Variants in TXNDC5 observed in about 807,000 individuals in gnomAD.
TXNDC5 encodes thioredoxin domain containing 5, also known as thioredoxin domain-containing protein 5.
TXNDC5 carries 44 observed loss-of-function variants against 52.6 expected under a neutral mutation model. The observed-to-expected ratio is 0.84, with a 90% CI of 0.66 to 1.08. The LOEUF is 1.08. Ranked by LOEUF, TXNDC5 falls within the 50% of genes least tolerant of loss-of-function variation. The pLI is 0.00. For synonymous variants in TXNDC5, 241 were observed against 234.4 expected (o/e 1.03, Z -0.26); for missense variants, 600 against 565.5 (o/e 1.06, Z -0.62).
At chr6:7,884,622 A>C in intron 8 of TXNDC5, 134 bp from the exon 9 acceptor site, 1 of 1,238,296 alleles carries the variant, frequency 8.1e-7, no homozygotes. Context: ...AAAATACCAA[A>C]TTCTCCCACT....
intron 9 of TXNDC5, 113 bp downstream of exon 9, chr6:7,884,246 A>C: frequency 1.6e-4 from 223 of 1,429,188 alleles, no homozygotes; most frequent in Non-Finnish European, 1.8e-4. Flanking sequence ...GGGACATAAA[A>C]ACCACATTGT....
rs1759812449 is a variant in TXNDC5 at position 7,882,836 on chromosome 6, T to A, written c.*308A>T. The A allele has an allele frequency of 1.7e-5, 4 of 235,506 alleles. No individual in the cohort carries two copies. In the South Asian group the frequency reaches 3.8e-4, roughly 22 times the overall value. The allele number at this position is 235,506 out of a possible 1,614,324, so 14.6% of individuals were successfully genotyped here. ...AAATAGTCCAGCAATTTCATTTCCCTCAACGCTATTTTAGTCTCAAAGGAA... is the reference window on the plus strand; with the variant it reads ...AAATAGTCCAGCAATTTCATTTCCCACAACGCTATTTTAGTCTCAAAGGAA... On this transcript the variant is annotated 3_prime_UTR_variant, in exon 10 of 10. Transcript: ENST00000379757.
intron 4 of TXNDC5, chr6:7,894,641 T>C (rs1177209684): frequency 1.2e-5 from 10 of 815,540 alleles, no homozygotes; most frequent in Non-Finnish European, 1.5e-5. Flanking sequence ...AAAAACAATG[T>C]ACCTTAATTA....
At chr6:7,892,713 A>G (rs903408788) in intron 4 of TXNDC5, among the ~76,000 whole-genome samples, 1 of 152,252 alleles carries the variant, frequency 6.6e-6, no homozygotes, top group Non-Finnish European at 1.5e-5. Flanking sequence ...GCCTGCTGAT[A>G]TCCATATAAG....
chr6:7,886,618 T>C (rs1561806020), intron 7 of TXNDC5, among the ~76,000 whole-genome samples: 1 of 152,214 alleles, frequency 6.6e-6, no homozygotes, highest in Non-Finnish European at 1.5e-5. Context: ...TCTAAGTCAA[T>C]GTGAAAAACG....
chr6:7,906,265 T>C (rs1760725954), intron 1 of TXNDC5, among the ~76,000 whole-genome samples: 1 of 149,908 alleles, frequency 6.7e-6, no homozygotes, highest in Non-Finnish European at 1.5e-5. Context: ...AAGCCGGGTG[T>C]GGTGGCTCAC....
In TXNDC5 at chr6:7,882,248, G is replaced by A. The variant is rs1044407935; in HGVS notation, c.*896C>T. 6.6e-6 allele frequency: 1 copy of A among 152,536 alleles called. No homozygotes were observed. The highest frequency in any genetic ancestry group is 1.5e-5 in the Non-Finnish European group (1 of 68,024). The allele number at this position is 152,536 out of a possible 1,614,324, so 9.4% of individuals were successfully genotyped here. On this transcript the variant is annotated 3_prime_UTR_variant, in exon 10 of 10. Coordinates refer to ENST00000379757, the MANE Select transcript of TXNDC5 (RefSeq NM_030810.5). ...GAGCCTCCCTGGATACCCAGGCCTG[G>A]GAAAGCCTGTCTGGTCTTGTCACCC... is the stretch of plus-strand genomic sequence containing the variant.
At chr6:7,884,883 T>C (rs1430355876) in intron 8 of TXNDC5, among the ~76,000 whole-genome samples, 2 of 152,090 alleles carry the variant, frequency 1.3e-5, no homozygotes, top group Non-Finnish European at 2.9e-5. Flanking sequence ...TTAGATTTGA[T>C]TGCTTATGGT....
chr6:7,899,587 C>T lies in TXNDC5; in HGVS notation c.508G>A (p.Glu170Lys), dbSNP rs1164547619. The T allele has an allele frequency of 5.6e-6, 9 of 1,613,418 alleles. No individual in the cohort carries two copies. Among genetic ancestry groups the T allele is most frequent in the East Asian group, 2.2e-5 (1 of 44,866 alleles). ...LENWMLQTLN[E>K]EPVTPEPEVE... is the part of the protein sequence containing the mutation. ...AGGTAGACACTCACCACTGGCTCCT[C>T]GTTCAGTGTCTGCAGCATCCAGTTT... is the stretch of plus-strand genomic sequence containing the variant. Residue 170 changes from glutamate to lysine, a missense_variant, in exon 3 of 10, where the codon GAG becomes AAG. By Grantham distance (56) the Glu-to-Lys change is moderately conservative. Coordinates refer to ENST00000379757, the MANE Select transcript of TXNDC5 (RefSeq NM_030810.5).
At chr6:7,898,695 G>A (rs1026189963) in intron 3 of TXNDC5, among the ~76,000 whole-genome samples, 1 of 152,176 alleles carries the variant, frequency 6.6e-6, no homozygotes, top group Non-Finnish European at 1.5e-5. Flanking sequence ...AGGTCTACCC[G>A]GCATCCAGGG....
At chr6:7,890,226 T>C (rs752637137) in intron 5 of TXNDC5, among the ~76,000 whole-genome samples, 8 of 152,198 alleles carry the variant, frequency 5.3e-5, no homozygotes, top group Non-Finnish European at 1.2e-4. Flanking sequence ...TTGTTCTAAG[T>C]CATTGCTTTC....
rs1489840158 is a variant in TXNDC5 at position 7,884,377 on chromosome 6, A to G, written c.1158T>C (p.Asn386=). ...TACCCACCGAATACTTGCTGCAGAT[A>G]TTCCGTTCAGCAGTGCAGTCTACTT... ...IAEVDCTAER[N]ICSKYSVRGY... is the part of the protein sequence containing the mutation. The change falls in exon 9 of 10, where the codon AAT becomes AAC. Residue 386 remains asparagine (N), a synonymous_variant. Coordinates refer to ENST00000379757, the MANE Select transcript of TXNDC5 (RefSeq NM_030810.5). The G allele has an allele frequency of 1.9e-6, 3 of 1,614,140 alleles. No homozygotes were observed. Among genetic ancestry groups the G allele is most frequent in the Admixed American group, 1.7e-5 (1 of 60,024 alleles).
At position 7,889,495 on chromosome 6, in the gene TXNDC5, CT is replaced by C; in HGVS notation, c.818del (p.Lys273ArgfsTer14). 1.2e-6 allele frequency: 2 copies of C among 1,613,064 alleles called. No homozygotes were observed. The highest frequency in any genetic ancestry group is 1.7e-6 in the Non-Finnish European group (2 of 1,179,168). On this transcript the variant is annotated frameshift_variant and splice_region_variant, in exon 6 of 10. Transcript: ENST00000379757. LOFTEE classifies it high-confidence loss of function. ...TCAGTACTAAGAAGTGCAGACGTAC[CT>C]TTTTCCCATCTCGGAACCAGAGAAG... ...PTLLWFRDGK[K>X]VDQYKGKRDL...
chr6:7,909,734 C>T (rs13209404), intron 1 of TXNDC5: 453,336 of 980,718 alleles, frequency 0.46, 107,357 homozygotes, highest in Middle Eastern at 0.49. Flanking sequence ...TTGGTCTTCC[C>T]GGGGTAGCTC....
chr6:7,884,335 A>G (rs1759878523), intron 9 of TXNDC5, 24 bp downstream of exon 9: 7 of 1,613,638 alleles, frequency 4.3e-6, no homozygotes, highest in Non-Finnish European at 5.9e-6. Context: ...GAGAGCTCCC[A>G]TAAGCATCCA....
At chr6:7,898,226 T>C (rs1185568723) in intron 3 of TXNDC5, among the ~76,000 whole-genome samples, 3 of 152,152 alleles carry the variant, frequency 2.0e-5, no homozygotes, top group Admixed American at 6.5e-5. Flanking sequence ...TGGCTAATTT[T>C]TGTATTTTTA....
chr6:7,891,407 C>G (rs1056753992), intron 5 of TXNDC5, among the ~76,000 whole-genome samples: 1 of 152,066 alleles, frequency 6.6e-6, no homozygotes, highest in African/African-American at 2.4e-5. Context: ...ACAAAGCAGC[C>G]GAGGCCATAA....
At chr6:7,883,706 T>C (rs1453959817) in intron 9 of TXNDC5, among the ~76,000 whole-genome samples, 5 of 152,212 alleles carry the variant, frequency 3.3e-5, no homozygotes, top group Non-Finnish European at 7.4e-5. Flanking sequence ...AACTCGTTTC[T>C]AAGAATTTTA....
At position 7,899,593 on chromosome 6, in the gene TXNDC5, G is replaced by T. The variant is rs1450183849; in HGVS notation, c.502C>A (p.Leu168Met). ...QTLENWMLQT[L>M]NEEPVTPEPE... is the part of the protein sequence containing the mutation. ...ACACTCACCACTGGCTCCTCGTTCAGTGTCTGCAGCATCCAGTTTTCCAGT... is the reference window on the plus strand; with the variant it reads ...ACACTCACCACTGGCTCCTCGTTCATTGTCTGCAGCATCCAGTTTTCCAGT... The change falls in exon 3 of 10, where the codon CTG becomes ATG. Residue 168 changes from leucine to methionine, a missense_variant. Coordinates refer to ENST00000379757, the MANE Select transcript of TXNDC5 (RefSeq NM_030810.5). 8 of 1,613,846 alleles carry T rather than the reference G, an allele frequency of 5.0e-6. No homozygotes were observed. The highest frequency in any genetic ancestry group is 6.8e-6 in the Non-Finnish European group (8 of 1,179,948).
Sources: gnomAD v4.1 joint callset for allele counts (sites outside exome capture counted in the v4.1 genomes callset) on GRCh38, gnomAD v4.1.1 for gene constraint, MANE v1.5 for transcripts, NCBI Gene and HGNC (gene_info 2026-07-23, HGNC 2026-07-21) for gene names.